Variants in ARFGEF2 observed in about 807,000 individuals in gnomAD.
The protein encoded by ARFGEF2 is brefeldin A-inhibited guanine nucleotide-exchange protein 2.
ARFGEF2 carries 74 observed loss-of-function variants against 219.9 expected under a neutral mutation model. That is an observed-to-expected ratio of 0.34 (90% CI 0.28 to 0.41). ARFGEF2 has a LOEUF of 0.41. Ranked by LOEUF, ARFGEF2 falls within the 10% of genes least tolerant of loss-of-function variation. The pLI is 1.00. For synonymous variants in ARFGEF2, 733 were observed against 799.2 expected (o/e 0.92, Z 1.40); for missense variants, 1,743 against 2,218.3 (o/e 0.79, Z 4.30).
intron 1 of ARFGEF2, among the ~76,000 whole-genome samples, chr20:48,928,772 G>C (rs976111113): frequency 3.3e-5 from 5 of 152,252 alleles, no homozygotes; most frequent in Non-Finnish European, 7.3e-5. Flanking sequence ...GGGATTACAG[G>C]CGTGAGCCAC....
chr20:49,021,022 A>G (rs1450524275), intron 34 of ARFGEF2, among the ~76,000 whole-genome samples: 1 of 152,292 alleles, frequency 6.6e-6, no homozygotes, highest in South Asian at 2.1e-4. Context: ...ACTTGGCATA[A>G]GTTGAATGTA....
chr20:49,026,712 A>G (rs1032148011), intron 36 of ARFGEF2, among the ~76,000 whole-genome samples: 1 of 151,740 alleles, frequency 6.6e-6, no homozygotes, highest in Admixed American at 6.6e-5. Flanking sequence ...CAGCCTTCCA[A>G]GTAGTTGGGT....
Position 49,035,478 on chromosome 20 carries a change from G to A in ARFGEF2, c.*2279G>A, listed in dbSNP as rs1306912758. The A allele has an allele frequency of 6.6e-5, 10 of 152,154 alleles. No individual in the cohort carries two copies. The highest frequency in any genetic ancestry group is 1.9e-4 in the African/African-American group (8 of 41,424). The allele number at this position is 152,154 out of a possible 1,614,324, so 9.4% of individuals were successfully genotyped here. On this transcript the variant is annotated 3_prime_UTR_variant, in exon 39 of 39. Transcript: ENST00000371917. ...ATTTTTCTTGTCAGTGGACAGTGAC[G>A]AACAGAGATTTGAAATCCCTTACCT...
rs1324957672 is a variant in ARFGEF2 at position 49,023,156 on chromosome 20, A to G, written c.4730A>G (p.Asp1577Gly). 1.9e-6 allele frequency: 3 copies of G among 1,614,092 alleles called. No homozygotes were observed. The highest frequency in any genetic ancestry group is 2.2e-5 in the East Asian group (1 of 44,894). ...VFYPATSKKE[D>G]AEHMVAAQQD... Reference sequence around the variant, plus strand: ...TACCCTGCGACGAGCAAAAAGGAGGATGCAGAGCACATGGTTGCCGCCCAG... The same window carrying G: ...TACCCTGCGACGAGCAAAAAGGAGGGTGCAGAGCACATGGTTGCCGCCCAG... The change falls in exon 35 of 39, where the codon GAT becomes GGT. Residue 1577 changes from aspartate (D) to glycine (G), a missense_variant. Coordinates refer to ENST00000371917, the MANE Select transcript of ARFGEF2 (RefSeq NM_006420.3).
chr20:48,965,024 A>G (rs1021744985), intron 7 of ARFGEF2, among the ~76,000 whole-genome samples: 1 of 152,322 alleles, frequency 6.6e-6, no homozygotes, highest in Middle Eastern at 3.4e-3. Context: ...TCTAAGCCCT[A>G]TCTTTTTGTT....
chr20:49,018,723 G>T (rs2091545883), intron 33 of ARFGEF2, among the ~76,000 whole-genome samples, 161 bp from the exon 34 acceptor site: 2 of 152,220 alleles, frequency 1.3e-5, no homozygotes, highest in African/African-American at 2.4e-5. Flanking sequence ...CTCCATTGCA[G>T]CCTGTGAGGC....
intron 1 of ARFGEF2, among the ~76,000 whole-genome samples, chr20:48,930,344 G>C (rs1195269525): frequency 6.6e-6 from 1 of 152,236 alleles, no homozygotes; most frequent in Non-Finnish European, 1.5e-5. Flanking sequence ...ATTTGCAGCA[G>C]AGTTTTGGTA....
chr20:48,996,329 C>T (rs1207608482), intron 23 of ARFGEF2, among the ~76,000 whole-genome samples: 1 of 151,968 alleles, frequency 6.6e-6, no homozygotes, highest in Non-Finnish European at 1.5e-5. Context: ...GTGGTGGGCA[C>T]CTGTAGTCCC....
Position 49,012,093 on chromosome 20 carries a change from T to C in ARFGEF2, c.3918+9T>C. 1.2e-6 allele frequency: 2 copies of C among 1,614,200 alleles called. No individual in the cohort carries two copies. The highest frequency in any genetic ancestry group is 2.2e-5 in the East Asian group (1 of 44,882). Reference sequence around the variant, plus strand: ...TCTCTGAGAGGCCTCGGGTTCGTTTTTCCCCACCTTACTCAGATGGGCAGT... The same window carrying C: ...TCTCTGAGAGGCCTCGGGTTCGTTTCTCCCCACCTTACTCAGATGGGCAGT... On this transcript the variant is annotated intron_variant, in intron 28 of 38. Transcript: ENST00000371917.
chr20:48,970,133 G>T (rs1167149401), intron 9 of ARFGEF2, among the ~76,000 whole-genome samples: 3 of 151,896 alleles, frequency 2.0e-5, no homozygotes, highest in Non-Finnish European at 4.4e-5. Context: ...TGGCCAACAA[G>T]ATGAAACCCC....
chr20:48,938,504 A>G (rs2090973996), intron 1 of ARFGEF2, among the ~76,000 whole-genome samples: 1 of 152,176 alleles, frequency 6.6e-6, no homozygotes, highest in Admixed American at 6.5e-5. Flanking sequence ...ATGCTTTCAT[A>G]TAGTCAAATC....
At chr20:48,942,989 C>A (rs916026396) in intron 3 of ARFGEF2, among the ~76,000 whole-genome samples, 5 of 152,182 alleles carry the variant, frequency 3.3e-5, no homozygotes, top group Non-Finnish European at 5.9e-5. Context: ...GCTTATCTAA[C>A]ACACATAATT....
intron 1 of ARFGEF2, among the ~76,000 whole-genome samples, chr20:48,923,996 A>G (rs2090860233): frequency 6.6e-6 from 1 of 152,270 alleles, no homozygotes; most frequent in Non-Finnish European, 1.5e-5. Context: ...GGTTATATGA[A>G]TCACAAATTG....
chr20:48,959,368 G>A (rs1600610047), intron 6 of ARFGEF2, among the ~76,000 whole-genome samples: 1 of 140,642 alleles, frequency 7.1e-6, no homozygotes, highest in Non-Finnish European at 1.5e-5. Flanking sequence ...ATTACAAGAG[G>A]TGAGATGTCA....
At chr20:48,964,552 G>A (rs1344883544) in intron 7 of ARFGEF2, among the ~76,000 whole-genome samples, 2 of 152,200 alleles carry the variant, frequency 1.3e-5, no homozygotes, top group Admixed American at 6.5e-5. Flanking sequence ...CATTGGAGCT[G>A]AGTTTTCATG....
At chr20:49,020,597 C>T (rs1424518991) in intron 34 of ARFGEF2, among the ~76,000 whole-genome samples, 1 of 152,158 alleles carries the variant, frequency 6.6e-6, no homozygotes, top group African/African-American at 2.4e-5. Flanking sequence ...AGGCATGTGC[C>T]ACCACATTCG....
intron 6 of ARFGEF2, among the ~76,000 whole-genome samples, chr20:48,959,151 T>C (rs1433822346): frequency 6.6e-6 from 1 of 152,190 alleles, no homozygotes; most frequent in Non-Finnish European, 1.5e-5. Flanking sequence ...CACCACTCTA[T>C]AGCCTCTGGT....
At chr20:48,941,544 G>T (rs2090993200) in intron 2 of ARFGEF2, among the ~76,000 whole-genome samples, 1 of 152,210 alleles carries the variant, frequency 6.6e-6, no homozygotes, top group Non-Finnish European at 1.5e-5. Flanking sequence ...CATGAGGACA[G>T]CTTGCACCAT....
chr20:49,016,060 T>G (rs962261229), intron 30 of ARFGEF2, among the ~76,000 whole-genome samples: 1 of 152,268 alleles, frequency 6.6e-6, no homozygotes, highest in African/African-American at 2.4e-5. Context: ...ATTTATTTTT[T>G]TATTCCACTT....
Sources: gnomAD v4.1 joint callset for allele counts (sites outside exome capture counted in the v4.1 genomes callset) on GRCh38, gnomAD v4.1.1 for gene constraint, MANE v1.5 for transcripts, NCBI Gene and HGNC (gene_info 2026-07-23, HGNC 2026-07-21) for gene names.